The following FANCL variants were observed in gnomAD, a reference collection of about 807,000 sequenced individuals.
The protein encoded by FANCL is FA complementation group L.
FANCL carries 69 observed loss-of-function variants against 59.4 expected under a neutral mutation model. That is an observed-to-expected ratio of 1.16 (90% CI 0.96 to 1.42). The LOEUF is 1.42. Ranked by LOEUF, FANCL falls within the 40% of genes most tolerant of loss-of-function variation. The pLI, the probability that FANCL is intolerant of heterozygous loss-of-function variation, is 0.00. For synonymous variants in FANCL, 180 were observed against 147.1 expected, an observed-to-expected ratio of 1.22 and a Z score of -1.62; for missense variants, 519 against 447.2, an observed-to-expected ratio of 1.16 and a Z score of -1.45.
chr2:58,190,898 A>G (rs997191006), intron 7 of FANCL, among the ~76,000 whole-genome samples: 1 of 151,918 alleles, frequency 6.6e-6, no homozygotes, highest in Non-Finnish European at 1.5e-5. Flanking sequence ...TGAGGGGGGA[A>G]TATTTTCTAG....
At chr2:58,239,699 A>G (rs956941215) in intron 1 of FANCL, among the ~76,000 whole-genome samples, 3 of 152,194 alleles carry the variant, frequency 2.0e-5, no homozygotes, top group African/African-American at 7.2e-5. Flanking sequence ...ATGCTCAAGT[A>G]TTTAGGGATA....
chr2:58,168,797 G>A (rs578252754), intron 7 of FANCL, among the ~76,000 whole-genome samples: 177 of 152,190 alleles, frequency 1.2e-3, no homozygotes, highest in African/African-American at 4.2e-3. Flanking sequence ...GCTTGAGTAC[G>A]TGGTTTACCC....
chr2:58,180,639 T>C (rs549642312), intron 7 of FANCL, among the ~76,000 whole-genome samples: 1 of 152,190 alleles, frequency 6.6e-6, no homozygotes, highest in South Asian at 2.1e-4. Context: ...CAAACCACCA[T>C]GGCACGTGTA....
intron 5 of FANCL, among the ~76,000 whole-genome samples, chr2:58,214,920 A>G (rs1422595816): frequency 6.6e-6 from 1 of 152,178 alleles, no homozygotes. Context: ...AAAATCTCAT[A>G]TCACATCCTT....
intron 7 of FANCL, among the ~76,000 whole-genome samples, chr2:58,173,613 C>T (rs1303870646): frequency 6.6e-6 from 1 of 152,084 alleles, no homozygotes; most frequent in Non-Finnish European, 1.5e-5. Context: ...ACCAGGCCTG[C>T]CCGAAAAGAG....
chr2:58,159,931 C>CCT (rs1684853401), intron 13 of FANCL, 131 bp from the exon 14 acceptor site: 2 of 1,530,290 alleles, frequency 1.3e-6, no homozygotes, highest in Non-Finnish European at 1.8e-6. Context: ...TTTCAGATCA[C>CCT]CTAGGAAATC....
At chr2:58,184,110 G>T (rs1220036518) in intron 7 of FANCL, among the ~76,000 whole-genome samples, 2 of 151,958 alleles carry the variant, frequency 1.3e-5, no homozygotes, top group African/African-American at 4.8e-5. Context: ...TCCCTTTCAA[G>T]ATGCCAATTA....
In FANCL at chr2:58,187,530, C is replaced by A. The variant is rs1329501834; in HGVS notation, c.540+11064G>T. ...TGTATACATATGTAACAAACCTGCA[C>A]GTTGTGCACACGTACCCTAAAACTT... On this transcript the variant is annotated intron_variant, in intron 7 of 13. Coordinates refer to ENST00000233741, the MANE Select transcript of FANCL (RefSeq NM_018062.4). Among the ~76,000 whole-genome samples the A allele has an allele frequency of 1.3e-5, 2 of 151,030 alleles. 1 individual carries two copies. The highest frequency in any genetic ancestry group is 4.2e-4 in the South Asian group (2 of 4,780).
intron 6 of FANCL, among the ~76,000 whole-genome samples, chr2:58,203,675 A>G (rs892537282): frequency 1.3e-5 from 2 of 152,202 alleles, no homozygotes; most frequent in East Asian, 1.9e-4. Flanking sequence ...CAAAGCAAAC[A>G]AACTATAAAA....
chr2:58,176,118 G>A (rs1419569811), intron 7 of FANCL, among the ~76,000 whole-genome samples: 1 of 150,800 alleles, frequency 6.6e-6, no homozygotes, highest in East Asian at 1.9e-4. Context: ...CACTGCTCAA[G>A]GAAATAAAAG....
chr2:58,165,441 T>TA (rs1403325806), intron 8 of FANCL, among the ~76,000 whole-genome samples: 1 of 152,170 alleles, frequency 6.6e-6, no homozygotes, highest in African/African-American at 2.4e-5. Context: ...AATTTTGAGT[T>TA]ACCTGTTCCA....
At chr2:58,171,496 T>G (rs1320481771) in intron 7 of FANCL, among the ~76,000 whole-genome samples, 1 of 152,042 alleles carries the variant, frequency 6.6e-6, no homozygotes, top group African/African-American at 2.4e-5. Context: ...ATTCAAAAGC[T>G]AGCAGAAGAC....
intron 7 of FANCL, among the ~76,000 whole-genome samples, chr2:58,173,900 A>G (rs1431344754): frequency 3.3e-5 from 5 of 152,054 alleles, no homozygotes; most frequent in African/African-American, 4.8e-5. Flanking sequence ...AAATCTCACA[A>G]GCAGAGACAC....
intron 4 of FANCL, among the ~76,000 whole-genome samples, chr2:58,225,248 A>C (rs1692880477): frequency 6.6e-6 from 1 of 151,690 alleles, no homozygotes; most frequent in South Asian, 2.1e-4. Context: ...AACACTTTAG[A>C]TCCCTGTGAC....
At chr2:58,168,389 CTG>C (rs1465842548) in intron 7 of FANCL, among the ~76,000 whole-genome samples, 2 of 152,176 alleles carry the variant, frequency 1.3e-5, no homozygotes, top group Non-Finnish European at 2.9e-5. Flanking sequence ...CCATGAGGGA[CTG>C]TGCCATGAGG....
chr2:58,173,616 G>A (rs192402660), intron 7 of FANCL, among the ~76,000 whole-genome samples: 12 of 151,862 alleles, frequency 7.9e-5, no homozygotes, highest in Admixed American at 2.0e-4. Context: ...AGGCCTGCCC[G>A]AAAAGAGCTC....
Position 58,159,373 on chromosome 2 carries a change from T to C in FANCL, c.*392A>G, listed in dbSNP as rs1402847552. 6.2e-7 allele frequency: 1 copy of C among 1,609,944 alleles called. No homozygotes were observed. Among genetic ancestry groups the C allele is most frequent in the Non-Finnish European group, 8.5e-7 (1 of 1,178,574 alleles). On this transcript the variant is annotated 3_prime_UTR_variant, in exon 14 of 14. Coordinates refer to ENST00000233741, the MANE Select transcript of FANCL (RefSeq NM_018062.4). ...GGAAAGCACAAGGAGAAGACAGAAA[T>C]ATCAAGAGTCTCAAGAACCTTTGAA...
chr2:58,175,044 T>G (rs1488065842), intron 7 of FANCL, among the ~76,000 whole-genome samples: 1 of 151,710 alleles, frequency 6.6e-6, no homozygotes, highest in Non-Finnish European at 1.5e-5. Context: ...AAGAAATGGA[T>G]AAATTCCTCG....
At chr2:58,189,512 T>C (rs1020215146) in intron 7 of FANCL, among the ~76,000 whole-genome samples, 5 of 152,124 alleles carry the variant, frequency 3.3e-5, no homozygotes, top group African/African-American at 1.2e-4. Context: ...CATAAATGTA[T>C]ATATATTGGA....
Sources: allele counts gnomAD v4.1 joint callset (sites outside exome capture counted in the v4.1 genomes callset), GRCh38; gene constraint gnomAD v4.1.1; transcripts MANE v1.5; gene names NCBI Gene and HGNC (gene_info 2026-07-23, HGNC 2026-07-21).